COL4A2: variants seen among roughly 807,000 people sequenced by gnomAD.
The protein encoded by COL4A2 is collagen type IV alpha 2 chain.
A neutral mutation model predicts 200.2 loss-of-function variants in COL4A2; 99 were observed. That is an observed-to-expected ratio of 0.49 (90% confidence interval 0.42 to 0.58). The LOEUF (loss-of-function observed/expected upper bound fraction) is 0.58. Among genes scored for constraint, COL4A2 ranks in the 20% least tolerant of loss-of-function variants. The probability of loss-of-function intolerance (pLI) is 0.00; values close to 1 mark genes in which losing one functional copy is unlikely to be tolerated. For synonymous variants in COL4A2, 897 were observed against 900.6 expected (o/e 1.00, Z 0.07); for missense variants, 1,950 against 2,314.1 (o/e 0.84, Z 3.23).
At chr13:110,470,509 C>T (rs559829234) in intron 28 of COL4A2, among the ~76,000 whole-genome samples, 28 of 152,134 alleles carry the variant, frequency 1.8e-4, no homozygotes, top group Admixed American at 9.8e-4. Flanking sequence ...CTCCCACAGA[C>T]GTCTCATGAA....
chr13:110,487,652 G>A (rs562475929), intron 34 of COL4A2, among the ~76,000 whole-genome samples: 1 of 152,320 alleles, frequency 6.6e-6, no homozygotes, highest in South Asian at 2.1e-4. Context: ...AGCAATAAAT[G>A]AGAATTCTTG....
Position 110,504,154 on chromosome 13 carries a change from G to A in COL4A2, c.4292G>A (p.Arg1431His), listed in dbSNP as rs747420947. 22 of 1,613,968 alleles carry A rather than the reference G, an allele frequency of 1.4e-5. No individual in the cohort carries two copies. In the East Asian group the frequency reaches 2.5e-4, roughly 18 times the overall value. The change falls in exon 45 of 48, where the codon CGT becomes CAT. Residue 1431 changes from arginine (R) to histidine (H), a missense_variant. By Grantham distance (29) the Arg-to-His change is conservative (BLOSUM62 0). Around this residue, in one of 2 missense-constraint regions of COL4A2, gnomAD observed 1,385 missense variants for 1,720.5 expected, o/e 0.80. Coordinates refer to ENST00000360467, the MANE Select transcript of COL4A2 (RefSeq NM_001846.4). ...CTTCTTTGGTGGCTTGCAGGTTTCC[G>A]TGGGGCTCCAGGGAAAGCTGGGCCC... ...PQGPPGEPGF[R>H]GAPGKAGPQG...
At chr13:110,469,699 A>G (rs9515231) in intron 28 of COL4A2, among the ~76,000 whole-genome samples, 90,928 of 152,008 alleles carry the variant, frequency 0.6, 28,019 homozygotes, top group Middle Eastern at 0.73. Context: ...GCCCTCTCAC[A>G]ATGTGGCTGC....
intron 29 of COL4A2, among the ~76,000 whole-genome samples, chr13:110,477,453 T>G (rs66546432): frequency 3.9e-5 from 6 of 152,178 alleles, no homozygotes; most frequent in Non-Finnish European, 8.8e-5. Context: ...AGTGTTTGCT[T>G]TGATACACGA....
intron 28 of COL4A2, among the ~76,000 whole-genome samples, chr13:110,469,732 T>A (rs553530416): frequency 1.3e-5 from 2 of 152,076 alleles, no homozygotes; most frequent in Non-Finnish European, 2.9e-5. Flanking sequence ...CATTAATCTG[T>A]ATGTGGAGGA....
At chr13:110,342,556 A>G (rs1050717246) in intron 3 of COL4A2, among the ~76,000 whole-genome samples, 1 of 152,166 alleles carries the variant, frequency 6.6e-6, no homozygotes, top group Admixed American at 6.5e-5. Context: ...GGAGCCGGGC[A>G]CTATCCTCAC....
At chr13:110,366,484 G>GT (rs1877757803) in intron 4 of COL4A2, among the ~76,000 whole-genome samples, 1 of 152,204 alleles carries the variant, frequency 6.6e-6, no homozygotes, top group South Asian at 2.1e-4. Context: ...CTACTAGATT[G>GT]TTTTGCAAAG....
rs144654464 is a variant in COL4A2 at position 110,458,838 on chromosome 13, A to T, written c.1500A>T (p.Gly500=). 113 of 1,613,730 alleles carry T rather than the reference A, an allele frequency of 7.0e-5. 2 individuals carry two copies. The highest frequency in any genetic ancestry group is 6.0e-4 in the East Asian group (27 of 44,826). The change falls in exon 22 of 48, where the codon GGA becomes GGT. Residue 500 remains glycine (G), a synonymous_variant. Transcript: ENST00000360467. ...TCAAAGGTCTTCCGGGACTGCCAGG[A>T]CCCAAGGGCTTCGCAGGCATCAACG... is the stretch of plus-strand genomic sequence containing the variant. ...EAIKGLPGLP[G]PKGFAGINGE...
At chr13:110,483,140 C>T (rs984676153) in intron 32 of COL4A2, among the ~76,000 whole-genome samples, 3 of 152,162 alleles carry the variant, frequency 2.0e-5, no homozygotes, top group East Asian at 3.8e-4. Flanking sequence ...TCAAGACCCC[C>T]CACGTAAGGC....
chr13:110,388,064 ACAGTGCCACCTTTAGAGGGAAACGC>A (rs1566506963), intron 4 of COL4A2, among the ~76,000 whole-genome samples: 1 of 152,212 alleles, frequency 6.6e-6, no homozygotes, highest in Non-Finnish European at 1.5e-5. Context: ...AGAAGACTTG[ACAGTGCCACCTTTAGAGGGAAACGC>A]CAAAAGTGGC....
At chr13:110,511,241 A>AT (rs1884072648) in intron 47 of COL4A2, among the ~76,000 whole-genome samples, 3 of 152,116 alleles carry the variant, frequency 2.0e-5, no homozygotes, top group Non-Finnish European at 2.9e-5. Context: ...AAATGAAAAA[A>AT]AAAAAAAGGC....
In COL4A2 at chr13:110,333,624, GA is replaced by G. The variant is rs1566478120; in HGVS notation, c.100-23847del. Among the ~76,000 whole-genome samples the G allele has an allele frequency of 2.0e-5, 3 of 152,328 alleles. No homozygotes were observed. The East Asian group carries it at 5.8e-4, about 29-fold the overall frequency. ...CCCCTGGCTACGACCTACTGCACCT[GA>G]GATGGGAAGAGGACCGCTCACGAAC... On this transcript the variant is annotated intron_variant, in intron 3 of 47. Transcript: ENST00000360467.
chr13:110,438,432 C>T, intron 14 of COL4A2, 186 bp from the exon 15 acceptor site: 1 of 784,130 alleles, frequency 1.3e-6, no homozygotes, highest in Admixed American at 1.8e-5. Flanking sequence ...GGGTGACAGC[C>T]CGGGAAGGCT....
At chr13:110,509,260 T>TACAC (rs1883994005) in intron 47 of COL4A2, among the ~76,000 whole-genome samples, 1 of 122,356 alleles carries the variant, frequency 8.2e-6, no homozygotes, top group African/African-American at 3.3e-5. Context: ...TATATATATA[T>TACAC]ATATATATAT....
rs771353368 is a variant in COL4A2, at chr13:110,478,086, C to T, written c.2509C>T (p.Pro837Ser). Residue 837 changes from proline to serine, a missense_variant, in exon 30 of 48, where the codon CCT becomes TCT. By Grantham distance (74) the Pro-to-Ser change is moderately conservative (BLOSUM62 -1). Transcript: ENST00000360467. ...GPSGQPGLYG[P>S]PGLHGFPGAP... Reference sequence around the variant, plus strand: ...TTCCGGCCAGCCAGGCCTGTATGGGCCTCCAGGACTGCATGGATTCCCAGG... The same window carrying T: ...TTCCGGCCAGCCAGGCCTGTATGGGTCTCCAGGACTGCATGGATTCCCAGG... 130 of 1,610,002 alleles carry T rather than the reference C, an allele frequency of 8.1e-5. No homozygotes were observed. Among genetic ancestry groups the T allele is most frequent in the Middle Eastern group, 1.7e-4 (1 of 6,020 alleles).
At chr13:110,326,328 T>C (rs1258463810) in intron 3 of COL4A2, among the ~76,000 whole-genome samples, 2 of 152,184 alleles carry the variant, frequency 1.3e-5, no homozygotes, top group African/African-American at 2.4e-5. Flanking sequence ...CCACAGTGTC[T>C]GGCATAGAAT....
At chr13:110,475,835 G>A (rs972812178) in intron 29 of COL4A2, among the ~76,000 whole-genome samples, 5 of 152,262 alleles carry the variant, frequency 3.3e-5, no homozygotes, top group Admixed American at 3.3e-4. Context: ...TGATTTCACT[G>A]AGGGAGGCTG....
At chr13:110,337,633 C>G (rs900946284) in intron 3 of COL4A2, among the ~76,000 whole-genome samples, 1 of 152,192 alleles carries the variant, frequency 6.6e-6, no homozygotes, top group Non-Finnish European at 1.5e-5. Context: ...CTGATGTTCC[C>G]CCTTAGCCAC....
intron 6 of COL4A2, among the ~76,000 whole-genome samples, chr13:110,426,928 C>T (rs1441613698): frequency 6.6e-6 from 1 of 152,116 alleles, no homozygotes; most frequent in Admixed American, 6.5e-5. Context: ...GCAAACAGAT[C>T]GAGAAGCTGC....
Sources: allele counts gnomAD v4.1 joint callset (sites outside exome capture counted in the v4.1 genomes callset), GRCh38; gene constraint gnomAD v4.1.1; regional missense constraint gnomAD v4.1.1; transcripts MANE v1.5; gene names NCBI Gene and HGNC (gene_info 2026-07-23, HGNC 2026-07-21).